Variants in SMARCD3 observed in about 807,000 individuals in gnomAD.
SMARCD3 encodes SWI/SNF-related matrix-associated actin-dependent regulator of chromatin subfamily D member 3.
A neutral mutation model predicts 58.0 loss-of-function variants in SMARCD3; 14 were observed. The observed-to-expected ratio is 0.24, with a 90% CI of 0.16 to 0.38. The LOEUF is 0.38. Among genes scored for constraint, SMARCD3 ranks in the 10% least tolerant of loss-of-function variants. SMARCD3 has a pLI of 1.00. For synonymous variants in SMARCD3, 253 were observed against 253.8 expected (o/e 1.00, Z 0.03); for missense variants, 408 against 636.9 (o/e 0.64, Z 3.87).
In SMARCD3 at chr7:151,245,754, T is replaced by A; in HGVS notation, c.79-83A>T. 2.6e-6 allele frequency: 1 copy of A among 389,490 alleles called. No homozygotes were observed. The highest frequency in any genetic ancestry group is 4.5e-6 in the Non-Finnish European group (1 of 222,248). The allele number at this position is 389,490 out of a possible 1,614,324, so 24.1% of individuals were successfully genotyped here. The stretch of plus-strand genomic sequence containing the variant: ...CCGCTCCAGGCGCGGTGAGCCGGCG[T>A]CTCCCCTCCCCCACCAGACCCTCGG... On this transcript the variant is annotated intron_variant, in intron 1 of 12. Coordinates refer to ENST00000262188, the MANE Select transcript of SMARCD3 (RefSeq NM_001003801.2). This position sits in a 1 kb window ranked among gnomAD's most constrained non-coding sequence, Gnocchi z 6.2.
At chr7:151,258,615 C>T (rs1263420770) in intron 2 of SMARCD3, among the ~76,000 whole-genome samples, 1 of 151,568 alleles carries the variant, frequency 6.6e-6, no homozygotes, top group Non-Finnish European at 1.5e-5. Flanking sequence ...CAGATTATGG[C>T]ATTGCTCTGC....
chr7:151,255,884 CTT>C (rs34508011), intron 2 of SMARCD3, among the ~76,000 whole-genome samples: 8 of 145,398 alleles, frequency 5.5e-5, no homozygotes, highest in Admixed American at 6.9e-5. Flanking sequence ...CTTGCATGTA[CTT>C]TTTTTTTTTT....
At chr7:151,263,190 C>T (rs1219507932) in intron 2 of SMARCD3, among the ~76,000 whole-genome samples, 1 of 152,038 alleles carries the variant, frequency 6.6e-6, no homozygotes, top group Non-Finnish European at 1.5e-5. Context: ...TAGATCCTAG[C>T]CCAGAGACTG....
rs868740464 is a variant in SMARCD3 at position 151,239,991 on chromosome 7, T to C, written c.1173+121A>G. 0.11 allele frequency: 95,152 copies of C among 895,980 alleles called. 1,582 individuals are homozygous for C. The highest frequency in any genetic ancestry group is 0.13 in the African/African-American group (7,690 of 57,898). The allele number at this position is 895,980 out of a possible 1,614,324, so 55.5% of individuals were successfully genotyped here. Reference sequence around the variant, plus strand: ...CCATTGGCCCAGAGTCTGGTCTCTTTTTTTTTTTTTTTTTTAATTTAACCC... The same window carrying C: ...CCATTGGCCCAGAGTCTGGTCTCTTCTTTTTTTTTTTTTTTAATTTAACCC... On this transcript the variant is annotated intron_variant, in intron 10 of 12. Coordinates refer to ENST00000262188, the MANE Select transcript of SMARCD3 (RefSeq NM_001003801.2). The surrounding 1 kb of genome is among the most constrained non-coding windows in gnomAD (Gnocchi z 7.0).
intron 8 of SMARCD3, chr7:151,240,778 G>C (rs1802946906): frequency 6.1e-6 from 3 of 494,354 alleles, no homozygotes; most frequent in African/African-American, 3.9e-5. Flanking sequence ...TATCAGTCCT[G>C]CCTCTGCCAC....
intron 2 of SMARCD3, among the ~76,000 whole-genome samples, chr7:151,269,860 T>C (rs952591582): frequency 3.3e-5 from 5 of 152,142 alleles, no homozygotes; most frequent in African/African-American, 1.2e-4. Context: ...ATTCTACAGA[T>C]GAGACATGTC....
At position 151,239,179 on chromosome 7, in the gene SMARCD3, A is replaced by G; in HGVS notation, c.1399-23T>C. The G allele has an allele frequency of 6.2e-7, 1 of 1,612,772 alleles. No homozygotes were observed. Among genetic ancestry groups the G allele is most frequent in the Non-Finnish European group, 8.5e-7 (1 of 1,178,824 alleles). On this transcript the variant is annotated intron_variant, in intron 12 of 12. Transcript: ENST00000262188. The surrounding 1 kb of genome is among the most constrained non-coding windows in gnomAD (Gnocchi z 7.0). ...GATCTTTAGAGGAAGTGAGAACAGGAGCAGGTGTCAGTGTTCTGGTGAGTG... is the reference window on the plus strand; with the variant it reads ...GATCTTTAGAGGAAGTGAGAACAGGGGCAGGTGTCAGTGTTCTGGTGAGTG...
intron 2 of SMARCD3, among the ~76,000 whole-genome samples, chr7:151,255,401 C>G (rs553473964): frequency 1.1e-4 from 16 of 152,314 alleles, no homozygotes; most frequent in African/African-American, 3.1e-4. Context: ...CATTGCCCCT[C>G]ACTGCTGTTT....
chr7:151,273,361 G>T (rs760580910), intron 2 of SMARCD3, among the ~76,000 whole-genome samples: 1 of 152,180 alleles, frequency 6.6e-6, no homozygotes, highest in Non-Finnish European at 1.5e-5. Flanking sequence ...GGCTCCCTCC[G>T]ACTGCTGCTG....
At chr7:151,275,981 T>C (rs1001625940) in intron 1 of SMARCD3, among the ~76,000 whole-genome samples, 1 of 151,552 alleles carries the variant, frequency 6.6e-6, no homozygotes, top group Non-Finnish European at 1.5e-5. Context: ...CTGCTGCCCA[T>C]GGATCAATCC....
intron 1 of SMARCD3, chr7:151,275,331 G>A (rs867746888): frequency 1.4e-5 from 9 of 633,698 alleles, no homozygotes; most frequent in Admixed American, 5.0e-5. Context: ...CAAACTCCCC[G>A]GAGTGGAGGT....
At position 151,239,944 on chromosome 7, in the gene SMARCD3, G is replaced by T. The variant is rs1203914586; in HGVS notation, c.1173+168C>A. Among the ~76,000 whole-genome samples, 2 of 151,466 alleles carry T rather than the reference G, an allele frequency of 1.3e-5. No individual in the cohort carries two copies. Among genetic ancestry groups the T allele is most frequent in the African/African-American group, 2.4e-5 (1 of 41,194 alleles). ...TTGGAATGAGGTTCAGCTCCAAGCA[G>T]CATGGACGGGCCATGTGTGTCCCAT... On this transcript the variant is annotated intron_variant, in intron 10 of 12. Coordinates refer to ENST00000262188, the MANE Select transcript of SMARCD3 (RefSeq NM_001003801.2). This position sits in a 1 kb window ranked among gnomAD's most constrained non-coding sequence, Gnocchi z 7.0.
At position 151,241,273 on chromosome 7, in the gene SMARCD3, G is replaced by A. The variant is rs569229493; in HGVS notation, c.939+219C>T. On this transcript the variant is annotated intron_variant, in intron 8 of 12. Coordinates refer to ENST00000262188, the MANE Select transcript of SMARCD3 (RefSeq NM_001003801.2). This position sits in a 1 kb window ranked among gnomAD's most constrained non-coding sequence, Gnocchi z 5.3. Reference sequence around the variant, plus strand: ...TAGGGTTTCCAGGTCTTCCTAACTTGGGGGGGCTAACATGGATTGGCTGCA... The same window carrying A: ...TAGGGTTTCCAGGTCTTCCTAACTTAGGGGGGCTAACATGGATTGGCTGCA... 1 of 591,870 alleles carries A rather than the reference G, an allele frequency of 1.7e-6. No homozygotes were observed. Among genetic ancestry groups the A allele is most frequent in the Non-Finnish European group, 3.1e-6 (1 of 326,552 alleles). 36.7% of individuals were successfully genotyped at this position (591,870 alleles called of 1,614,324 possible).
chr7:151,271,558 T>C (rs2150617673), intron 2 of SMARCD3, among the ~76,000 whole-genome samples: 2 of 152,298 alleles, frequency 1.3e-5, no homozygotes, highest in South Asian at 2.1e-4. Context: ...ATAAGGATAT[T>C]ACCCCTACCT....
chr7:151,244,173 C>T (rs1407631500), intron 2 of SMARCD3, among the ~76,000 whole-genome samples: 3 of 152,090 alleles, frequency 2.0e-5, no homozygotes, highest in African/African-American at 4.8e-5. Flanking sequence ...CGGGAGGTGA[C>T]GGTGTGAAGC....
intron 2 of SMARCD3, among the ~76,000 whole-genome samples, chr7:151,268,760 A>AAAT (rs1428959565): frequency 6.6e-6 from 1 of 151,900 alleles, no homozygotes; most frequent in African/African-American, 2.4e-5. Flanking sequence ...AAACCACACA[A>AAAT]AATTCTCTCT....
chr7:151,260,965 A>G (rs1038646331), intron 2 of SMARCD3, among the ~76,000 whole-genome samples: 2 of 152,230 alleles, frequency 1.3e-5, no homozygotes, highest in African/African-American at 4.8e-5. Context: ...ACAGCACACT[A>G]GTAACTCAGC....
At chr7:151,258,679 G>A (rs219235) in intron 2 of SMARCD3, among the ~76,000 whole-genome samples, 30,745 of 151,876 alleles carry the variant, frequency 0.2, 3,276 homozygotes, top group African/African-American at 0.22. Context: ...AGGTCCTGAA[G>A]GTCCTGCAGG....
At chr7:151,276,329 C>T (rs1185099054) in intron 1 of SMARCD3, among the ~76,000 whole-genome samples, 1 of 134,428 alleles carries the variant, frequency 7.4e-6, no homozygotes, top group Non-Finnish European at 1.6e-5. Context: ...AGGTGCCAGA[C>T]AGGGGGAGTA....
Sources: gnomAD v4.1 joint callset for allele counts (sites outside exome capture counted in the v4.1 genomes callset) on GRCh38, gnomAD v4.1.1 for gene constraint, Gnocchi (gnomAD v3.1) non-coding constraint, MANE v1.5 for transcripts, NCBI Gene and HGNC (gene_info 2026-07-23, HGNC 2026-07-21) for gene names.